CUX1: variants seen among roughly 807,000 people sequenced by gnomAD.
CUX1 encodes the protein protein CASP.
A neutral mutation model predicts 158.8 loss-of-function variants in CUX1; 31 were observed. That is an observed-to-expected ratio of 0.20 (90% CI 0.15 to 0.26). The LOEUF is 0.26. Ranked by LOEUF, CUX1 falls within the 10% of genes least tolerant of loss-of-function variation. The pLI, the probability that CUX1 is intolerant of heterozygous loss-of-function variation, is 1.00. For missense variants in CUX1, 1,589 were observed against 2,014.6 expected, an observed-to-expected ratio of 0.79 and a Z score of 4.04; for synonymous variants, 879 against 862.1, an observed-to-expected ratio of 1.02 and a Z score of -0.34.
At chr7:102,193,923 A>C (rs1238320719) in intron 13 of CUX1, 33 bp downstream of exon 13, 8 of 1,610,630 alleles carry the variant, frequency 5.0e-6, no homozygotes, top group Non-Finnish European at 6.8e-6. Flanking sequence ...CAGCACTAGC[A>C]TCAGCCCCGC....
chr7:102,163,964 A>C (rs559737025), intron 9 of CUX1, among the ~76,000 whole-genome samples: 4 of 152,204 alleles, frequency 2.6e-5, no homozygotes, highest in Non-Finnish European at 1.5e-5. Context: ...GGCACCTGTC[A>C]GTTATGTCCG....
Position 102,254,806 on chromosome 7 carries a change from A to C in CUX1, c.*5764A>C. The C allele has an allele frequency of 1.0e-6, 1 of 985,460 alleles. No homozygotes were observed. The allele number at this position is 985,460 out of a possible 1,614,324, so 61.0% of individuals were successfully genotyped here. On this transcript the variant is annotated 3_prime_UTR_variant, in exon 24 of 24. Coordinates refer to ENST00000292535, the MANE Select transcript of CUX1 (RefSeq NM_181552.4). ...TGTGGTTGGATCTCAGCGTGTACTG[A>C]ATGCCAGTCTGGCCGGCACACTCGA...
At chr7:101,861,075 C>G (rs1003421927) in intron 1 of CUX1, among the ~76,000 whole-genome samples, 2 of 152,308 alleles carry the variant, frequency 1.3e-5, no homozygotes, top group Admixed American at 1.3e-4. Flanking sequence ...AGCCACTGCA[C>G]CCGGCCTGCA....
At chr7:102,003,595 G>C (rs1289175066) in intron 2 of CUX1, among the ~76,000 whole-genome samples, 2 of 152,106 alleles carry the variant, frequency 1.3e-5, no homozygotes, top group Admixed American at 1.3e-4. Flanking sequence ...CGGGGTCAGG[G>C]GCCTGGGCTC....
intron 8 of CUX1, among the ~76,000 whole-genome samples, chr7:102,144,833 A>C (rs1441532975): frequency 1.3e-5 from 2 of 152,066 alleles, no homozygotes; most frequent in Non-Finnish European, 2.9e-5. Flanking sequence ...CACGTCTGTA[A>C]TCCCAGCACT....
intron 4 of CUX1, among the ~76,000 whole-genome samples, chr7:102,093,702 A>G (rs1828893508): frequency 6.6e-6 from 1 of 152,218 alleles, no homozygotes; most frequent in African/African-American, 2.4e-5. Flanking sequence ...TGTAATAATT[A>G]TGTTCCTTGA....
intron 20 of CUX1, among the ~76,000 whole-genome samples, chr7:102,221,518 G>C (rs1797791074): frequency 6.6e-6 from 1 of 152,192 alleles, no homozygotes; most frequent in African/African-American, 2.4e-5. Context: ...ACTGCAGAGA[G>C]ATGTATCTCC....
intron 6 of CUX1, among the ~76,000 whole-genome samples, chr7:102,110,086 A>G (rs1830727117): frequency 6.6e-6 from 1 of 152,230 alleles, no homozygotes; most frequent in Non-Finnish European, 1.5e-5. Context: ...TCACCTTTGT[A>G]TTAAAAGAAC....
intron 2 of CUX1, among the ~76,000 whole-genome samples, chr7:102,023,577 G>A (rs530564804): frequency 6.6e-6 from 1 of 152,174 alleles, no homozygotes; most frequent in Non-Finnish European, 1.5e-5. Context: ...TTGAGGTGGG[G>A]AGCCTCCCAA....
chr7:102,108,736 T>TTTTGTGTGTGTGTGTGTG (rs10529873), intron 6 of CUX1, among the ~76,000 whole-genome samples: 9 of 144,970 alleles, frequency 6.2e-5, no homozygotes, highest in African/African-American at 2.4e-4. Context: ...TTCATTCATT[T>TTTTGTGTGTGTGTGTGTG]TGTGTGTGTG....
intron 14 of CUX1, among the ~76,000 whole-genome samples, chr7:102,196,366 T>A (rs1794801198): frequency 6.6e-6 from 1 of 152,192 alleles, no homozygotes. Context: ...GCTAGGAGTT[T>A]GAGTCTATGT....
intron 1 of CUX1, among the ~76,000 whole-genome samples, chr7:101,839,606 C>G (rs984176450): frequency 6.6e-6 from 1 of 151,748 alleles, no homozygotes; most frequent in Non-Finnish European, 1.5e-5. Flanking sequence ...CGATAAGCCT[C>G]ATTTTATACT....
chr7:101,956,360 T>C (rs1188938442), intron 2 of CUX1, among the ~76,000 whole-genome samples: 1 of 152,098 alleles, frequency 6.6e-6, no homozygotes, highest in East Asian at 1.9e-4. Context: ...AGATGGGTTA[T>C]ATTTATCACC....
chr7:102,194,913 A>G (rs1282176247), intron 13 of CUX1, among the ~76,000 whole-genome samples: 1 of 152,010 alleles, frequency 6.6e-6, no homozygotes, highest in Non-Finnish European at 1.5e-5. Flanking sequence ...AATCCCAGCT[A>G]CTTGGGAGGC....
chr7:102,036,776 A>C (rs1173098100), intron 3 of CUX1, among the ~76,000 whole-genome samples: 3 of 151,726 alleles, frequency 2.0e-5, no homozygotes, highest in African/African-American at 4.8e-5. Context: ...AAAAAAAAAA[A>C]CACCGGAATC....
At chr7:101,847,256 T>TG (rs1271970288) in intron 1 of CUX1, among the ~76,000 whole-genome samples, 1 of 152,194 alleles carries the variant, frequency 6.6e-6, no homozygotes, top group Admixed American at 6.6e-5. Context: ...AATTTAGTTT[T>TG]GGGGAAACTC....
chr7:102,030,533 C>A (rs1820623297), intron 3 of CUX1, among the ~76,000 whole-genome samples: 1 of 152,124 alleles, frequency 6.6e-6, no homozygotes, highest in African/African-American at 2.4e-5. Context: ...TGGGAAAATT[C>A]ACAGTAATTC....
intron 1 of CUX1, among the ~76,000 whole-genome samples, chr7:101,819,745 G>A (rs1446730946): frequency 2.6e-5 from 4 of 152,124 alleles, no homozygotes; most frequent in African/African-American, 9.7e-5. Context: ...GTTGATTTAA[G>A]TTTTTTCCTA....
chr7:101,858,387 C>A (rs1360716519), intron 1 of CUX1, among the ~76,000 whole-genome samples: 1 of 152,166 alleles, frequency 6.6e-6, no homozygotes, highest in African/African-American at 2.4e-5. Flanking sequence ...CACATGTCCC[C>A]TTCTCAGAGG....
Sources: gnomAD v4.1 joint callset for allele counts (sites outside exome capture counted in the v4.1 genomes callset) on GRCh38, gnomAD v4.1.1 for gene constraint, MANE v1.5 for transcripts, NCBI Gene and HGNC (gene_info 2026-07-23, HGNC 2026-07-21) for gene names.